BNIP3L: variants seen among roughly 807,000 people sequenced by gnomAD.
BNIP3L encodes the protein BCL2/adenovirus E1B 19 kDa protein-interacting protein 3-like.
BNIP3L carries 10 observed loss-of-function variants against 25.5 expected under a neutral mutation model. The ratio of observed to expected loss-of-function variants is 0.39; its 90% CI spans 0.24 to 0.67. BNIP3L has a LOEUF of 0.67. Ranked by LOEUF, BNIP3L falls within the 30% of genes least tolerant of loss-of-function variation. The pLI is 0.45. For missense variants in BNIP3L, 215 were observed against 270.9 expected, an observed-to-expected ratio of 0.79 and a Z score of 1.45; for synonymous variants, 113 against 101.2, an observed-to-expected ratio of 1.12 and a Z score of -0.70.
intron 1 of BNIP3L, chr8:26,390,508 A>G: frequency 1.0e-6 from 1 of 985,454 alleles, no homozygotes; most frequent in Non-Finnish European, 1.2e-6. Flanking sequence ...AAAAAAGACA[A>G]GTTCACAAGG....
At chr8:26,389,686 G>T (rs566540788) in intron 1 of BNIP3L, among the ~76,000 whole-genome samples, 1 of 152,188 alleles carries the variant, frequency 6.6e-6, no homozygotes, top group Admixed American at 6.5e-5. Flanking sequence ...CTACTAAATC[G>T]TCACAGCACC....
At chr8:26,400,212 CAT>C (rs1441928263) in intron 3 of BNIP3L, among the ~76,000 whole-genome samples, 3 of 151,994 alleles carry the variant, frequency 2.0e-5, no homozygotes, top group African/African-American at 4.8e-5. Context: ...GGTACCAAAA[CAT>C]AGATATAGAT....
At chr8:26,402,171 G>C (rs1459905181) in intron 3 of BNIP3L, among the ~76,000 whole-genome samples, 1 of 151,906 alleles carries the variant, frequency 6.6e-6, no homozygotes, top group African/African-American at 2.4e-5. Context: ...CTCTATTTTT[G>C]CTTTTCTCTG....
intron 1 of BNIP3L, among the ~76,000 whole-genome samples, chr8:26,389,051 G>A (rs74392059): frequency 0.019 from 2,947 of 151,790 alleles, 92 homozygotes; most frequent in African/African-American, 0.068. Flanking sequence ...TTTTCTCTTC[G>A]ATTGCCTACT....
chr8:26,407,705 C>CTT (rs2117495999), intron 3 of BNIP3L, among the ~76,000 whole-genome samples: 1 of 152,272 alleles, frequency 6.6e-6, no homozygotes, highest in Non-Finnish European at 1.5e-5. Flanking sequence ...AGATTTAACT[C>CTT]TTATCGAGGT....
chr8:26,392,534 G>A (rs930559104), intron 2 of BNIP3L, among the ~76,000 whole-genome samples: 2 of 152,080 alleles, frequency 1.3e-5, no homozygotes, highest in Non-Finnish European at 2.9e-5. Flanking sequence ...AGGCAGCGGG[G>A]GACTGGTTTG....
chr8:26,404,381 A>G (rs191740480), intron 3 of BNIP3L, among the ~76,000 whole-genome samples: 1 of 152,352 alleles, frequency 6.6e-6, no homozygotes, highest in African/African-American at 2.4e-5. Flanking sequence ...TTATCTGTAC[A>G]TGAATCATGG....
chr8:26,402,834 T>G (rs893603637), intron 3 of BNIP3L, among the ~76,000 whole-genome samples: 1 of 152,224 alleles, frequency 6.6e-6, no homozygotes, highest in African/African-American at 2.4e-5. Flanking sequence ...CCTTAGACTT[T>G]CTTCCTCTTC....
chr8:26,408,445 G>A (rs1806547462), intron 5 of BNIP3L, 69 bp downstream of exon 5: 10 of 1,500,020 alleles, frequency 6.7e-6, no homozygotes, highest in Admixed American at 2.1e-5. Context: ...TTGAAGAAAT[G>A]TATGTGAAAG....
At chr8:26,383,535 C>G (rs1344188004) in intron 1 of BNIP3L, 12 of 16,694 alleles carry the variant, frequency 7.2e-4, no homozygotes, top group Non-Finnish European at 1.3e-3. Context: ...CCGGGCGGGG[C>G]GGGGCGGGGG....
rs747901077 is a variant in BNIP3L at position 26,383,093 on chromosome 8, G to C, written c.-38G>C. On this transcript the variant is annotated 5_prime_UTR_variant, in exon 1 of 6. Coordinates refer to ENST00000380629, the MANE Select transcript of BNIP3L (RefSeq NM_004331.3). ...GTGTTGCTGCCTGAGTGCCGGAGAC[G>C]GTCCTGCTGCTGCCGCAGTCCTGCC... 10 of 1,538,844 alleles carry C rather than the reference G, an allele frequency of 6.5e-6. No individual in the cohort carries two copies. The highest frequency in any genetic ancestry group is 8.8e-6 in the Non-Finnish European group (10 of 1,132,502).
At chr8:26,391,865 C>T (rs540701608) in intron 2 of BNIP3L, among the ~76,000 whole-genome samples, 1 of 152,232 alleles carries the variant, frequency 6.6e-6, no homozygotes, top group Admixed American at 6.5e-5. Flanking sequence ...TTTTTATTAC[C>T]TTCACAGTAA....
At chr8:26,383,378 C>A (rs1034610729) in intron 1 of BNIP3L, 148 bp downstream of exon 1, 11 of 1,457,620 alleles carry the variant, frequency 7.5e-6, no homozygotes, top group Non-Finnish European at 9.0e-6. Context: ...CTCCCGTCCC[C>A]TGTCAAGAGG....
At chr8:26,406,611 G>A (rs1336350947) in intron 3 of BNIP3L, among the ~76,000 whole-genome samples, 3 of 152,082 alleles carry the variant, frequency 2.0e-5, no homozygotes, top group Admixed American at 6.6e-5. Flanking sequence ...CCTTGAGCCC[G>A]GGAGTTCAAG....
intron 3 of BNIP3L, among the ~76,000 whole-genome samples, chr8:26,406,744 C>T (rs927078559): frequency 1.3e-5 from 2 of 151,750 alleles, no homozygotes; most frequent in African/African-American, 4.8e-5. Flanking sequence ...ATTAATTGAG[C>T]CCAGGAGTTC....
At chr8:26,395,572 G>A (rs1199584480) in intron 3 of BNIP3L, 3 of 368,852 alleles carry the variant, frequency 8.1e-6, no homozygotes, top group Non-Finnish European at 1.5e-5. Flanking sequence ...GAGTGTATAA[G>A]TAGAAAAAGA....
intron 3 of BNIP3L, among the ~76,000 whole-genome samples, chr8:26,402,239 C>G (rs62490988): frequency 2.2e-4 from 34 of 152,168 alleles, no homozygotes; most frequent in Middle Eastern, 3.2e-3. Context: ...GAGCTTTATA[C>G]TGTAGAGAAG....
Position 26,408,103 on chromosome 8 carries a change from A to G in BNIP3L, c.461A>G (p.Lys154Arg). 1 of 1,614,000 alleles carries G rather than the reference A, an allele frequency of 6.2e-7. No individual in the cohort carries two copies. Among genetic ancestry groups the G allele is most frequent in the Non-Finnish European group, 8.5e-7 (1 of 1,179,852 alleles). Residue 154 changes from lysine (K) to arginine (R), a missense_variant and splice_region_variant, in exon 4 of 6, where the codon AAG becomes AGG. Coordinates refer to ENST00000380629, the MANE Select transcript of BNIP3L (RefSeq NM_004331.3). ...AGTAGACCCGAAAACATTCCACCCA[A>G]GTGAGTTCTCACATGTTTCTTGTCA... ...WSSRPENIPP[K>R]EFHFRHPKRS...
At chr8:26,397,265 G>C (rs1806266778) in intron 3 of BNIP3L, among the ~76,000 whole-genome samples, 1 of 51,778 alleles carries the variant, frequency 1.9e-5, no homozygotes, top group African/African-American at 7.6e-5. Flanking sequence ...CAGACTAACA[G>C]CGGATCTCTT....
Sources: gnomAD v4.1 joint callset for allele counts (sites outside exome capture counted in the v4.1 genomes callset) on GRCh38, gnomAD v4.1.1 for gene constraint, MANE v1.5 for transcripts, NCBI Gene and HGNC (gene_info 2026-07-23, HGNC 2026-07-21) for gene names.